ALG14: variants seen among roughly 807,000 people sequenced by gnomAD.
ALG14 encodes UDP-N-acetylglucosamine transferase subunit ALG14.
In ALG14, 17 loss-of-function variants were observed where a neutral mutation model predicts 22.8. The ratio of observed to expected loss-of-function variants is 0.75; its 90% CI spans 0.51 to 1.12. The LOEUF is 1.12. Ranked by LOEUF, ALG14 falls within the 50% of genes most tolerant of loss-of-function variation. The probability of loss-of-function intolerance (pLI) is 0.00; values close to 1 mark genes in which losing one functional copy is unlikely to be tolerated. For synonymous variants in ALG14, 89 were observed against 103.7 expected, an observed-to-expected ratio of 0.86 and a Z score of 0.86; for missense variants, 288 against 271.8, an observed-to-expected ratio of 1.06 and a Z score of -0.42.
At chr1:95,015,868 A>T (rs900708966) in intron 3 of ALG14, among the ~76,000 whole-genome samples, 5 of 152,232 alleles carry the variant, frequency 3.3e-5, no homozygotes, top group African/African-American at 1.2e-4. Context: ...CATTGTGTAG[A>T]CATTCCGTGG....
At chr1:95,053,145 T>C (rs1331854114) in intron 2 of ALG14, among the ~76,000 whole-genome samples, 1 of 152,018 alleles carries the variant, frequency 6.6e-6, no homozygotes, top group Non-Finnish European at 1.5e-5. Context: ...ATGTCATTTA[T>C]AAAAGACACA....
intron 3 of ALG14, among the ~76,000 whole-genome samples, chr1:95,004,531 G>A (rs551162450): frequency 1.3e-4 from 20 of 151,690 alleles, no homozygotes; most frequent in South Asian, 2.1e-4. Context: ...CCAGAGTCTC[G>A]CTCTATTGCC....
At chr1:95,000,043 T>C (rs1171088369) in intron 3 of ALG14, among the ~76,000 whole-genome samples, 2 of 152,182 alleles carry the variant, frequency 1.3e-5, no homozygotes, top group Non-Finnish European at 2.9e-5. Flanking sequence ...TGTCATCACT[T>C]ATCGTCAATG....
chr1:94,994,019 T>C (rs1426824671), intron 3 of ALG14, among the ~76,000 whole-genome samples: 1 of 152,214 alleles, frequency 6.6e-6, no homozygotes, highest in East Asian at 1.9e-4. Flanking sequence ...TTTCTTGCCC[T>C]GATGTTCCAT....
intron 1 of ALG14, chr1:95,067,206 G>A (rs1037559952): frequency 2.0e-5 from 3 of 152,104 alleles, no homozygotes; most frequent in Non-Finnish European, 2.9e-5. Context: ...CTTGTACAAA[G>A]GCCACTGCAA....
In ALG14 at chr1:95,027,128, C is replaced by T; in HGVS notation, c.420+1G>A. Reference sequence around the variant, plus strand: ...CTCTCCTTAGTGATGGTCTTACTTACCAAATCTGGCTTCACCCTGTGAATT... The same window carrying T: ...CTCTCCTTAGTGATGGTCTTACTTATCAAATCTGGCTTCACCCTGTGAATT... On this transcript the variant is annotated splice_donor_variant, in intron 3 of 3. Coordinates refer to ENST00000370205, the MANE Select transcript of ALG14 (RefSeq NM_144988.4). LOFTEE classifies it high-confidence loss of function. 3 of 1,613,902 alleles carry T rather than the reference C, an allele frequency of 1.9e-6. No individual in the cohort carries two copies. The highest frequency in any genetic ancestry group is 2.5e-6 in the Non-Finnish European group (3 of 1,179,924).
At position 95,005,761 on chromosome 1, in the gene ALG14, C is replaced by T. The variant is rs188883722; in HGVS notation, c.420+21368G>A. On this transcript the variant is annotated intron_variant, in intron 3 of 3. Coordinates refer to ENST00000370205, the MANE Select transcript of ALG14 (RefSeq NM_144988.4). ...TGGAGCAGTAGATAAGGGGAGCTTA[C>T]AGGGGGATTTGTGTTTGTTATGGTG... 3.2e-3 allele frequency among the ~76,000 whole-genome samples: 483 copies of T among 152,254 alleles called. 1 individual carries two copies. Among genetic ancestry groups the T allele is most frequent in the African/African-American group, 0.011 (466 of 41,542 alleles).
chr1:95,072,810 T>A lies in ALG14; in HGVS notation c.89A>T (p.Asp30Val). The change falls in exon 1 of 4, where the codon GAC becomes GTC. Residue 30 changes from aspartate to valine, a missense_variant. Physicochemically the swap from Asp to Val is radical, Grantham distance 152. Transcript: ENST00000370205. The part of the protein sequence containing the change: ...LRIWVVLRSM[D>V]VTPRESLSIL... The stretch of plus-strand genomic sequence containing the variant: ...ACTGAGAGACTCCCGGGGCGTAACG[T>A]CCATGGAACGAAGCACTACCCATAT... 1 of 1,613,978 alleles carries A rather than the reference T, an allele frequency of 6.2e-7. No homozygotes were observed. The highest frequency in any genetic ancestry group is 8.5e-7 in the Non-Finnish European group (1 of 1,179,974).
intron 3 of ALG14, among the ~76,000 whole-genome samples, chr1:94,988,593 C>T (rs1257611022): frequency 1.3e-5 from 2 of 151,970 alleles, no homozygotes; most frequent in African/African-American, 2.4e-5. Context: ...AAAGGGTTTA[C>T]AGAATGGAAT....
In ALG14 at chr1:94,991,604, G is replaced by C. The variant is rs1026050745; in HGVS notation, c.421-8298C>G. ...TGGAAGTTGCTCTAGGTGAGTCAGT[G>C]AGTGGTGAGTGAGTGTGAAGGCCCA... On this transcript the variant is annotated intron_variant, in intron 3 of 3. Coordinates refer to ENST00000370205, the MANE Select transcript of ALG14 (RefSeq NM_144988.4). Among the ~76,000 whole-genome samples the C allele has an allele frequency of 2.8e-4, 42 of 152,334 alleles. 1 individual carries two copies. Among genetic ancestry groups the C allele is most frequent in the African/African-American group, 9.9e-4 (41 of 41,574 alleles).
At chr1:95,065,396 T>G (rs1017866622) in intron 1 of ALG14, among the ~76,000 whole-genome samples, 1 of 152,050 alleles carries the variant, frequency 6.6e-6, no homozygotes, top group Admixed American at 6.6e-5. Context: ...AGCAAATGGT[T>G]ATGAAAAATC....
At position 94,978,849 on chromosome 1, in the gene ALG14, A is replaced by G. The variant is rs1268048073; in HGVS notation, c.*4227T>C. 6.6e-6 allele frequency: 1 copy of G among 151,032 alleles called. No homozygotes were observed. The highest frequency in any genetic ancestry group is 1.9e-4 in the East Asian group (1 of 5,136). The allele number at this position is 151,032 out of a possible 1,614,324, so 9.4% of individuals were successfully genotyped here. A position where few individuals can be genotyped will look rare whatever the true frequency, so the allele number is the denominator to read the frequency against. On this transcript the variant is annotated 3_prime_UTR_variant, in exon 4 of 4. Transcript: ENST00000370205. The stretch of plus-strand genomic sequence containing the variant: ...GACATTTTTTCTTTTTTCTTTAAAA[A>G]AAAAAAAAAACACCTAACGTAGCTA...
rs147079241 is a variant in ALG14, at chr1:95,062,742, T to G, written c.288+2124A>C. On this transcript the variant is annotated intron_variant, in intron 2 of 3. Coordinates refer to ENST00000370205, the MANE Select transcript of ALG14 (RefSeq NM_144988.4). ...GATTCCATGTCTTTGCTATTGTGAA[T>G]AGTGCTGCAGTGAACATATGTGTGC... is the stretch of plus-strand genomic sequence containing the variant. 2.6e-3 allele frequency among the ~76,000 whole-genome samples: 399 copies of G among 152,332 alleles called. 4 individuals are homozygous for G. The highest frequency in any genetic ancestry group is 8.9e-3 in the African/African-American group (368 of 41,576).
At chr1:95,025,551 G>C (rs1048771630) in intron 3 of ALG14, among the ~76,000 whole-genome samples, 1 of 152,164 alleles carries the variant, frequency 6.6e-6, no homozygotes, top group Non-Finnish European at 1.5e-5. Flanking sequence ...TGACATCGTC[G>C]AATATAAGGC....
In ALG14 at chr1:95,010,228, C is replaced by A. The variant is rs547357706; in HGVS notation, c.420+16901G>T. Among the ~76,000 whole-genome samples the A allele has an allele frequency of 2.6e-5, 4 of 152,306 alleles. 1 individual carries two copies. The East Asian group carries it at 7.7e-4, about 29-fold the overall frequency. ...ACTTTATCTTCTGGAACAAACTTTA[C>A]ATAAGAAAGCTCCTCCTAACATTTA... On this transcript the variant is annotated intron_variant, in intron 3 of 3. Transcript: ENST00000370205.
intron 3 of ALG14, among the ~76,000 whole-genome samples, chr1:94,989,213 G>A (rs1672713901): frequency 6.6e-6 from 1 of 152,134 alleles, no homozygotes; most frequent in African/African-American, 2.4e-5. Flanking sequence ...GATCCCTAAA[G>A]TTTAATTTTG....
intron 3 of ALG14, among the ~76,000 whole-genome samples, chr1:94,991,823 T>G (rs1482914532): frequency 6.6e-6 from 1 of 151,712 alleles, no homozygotes; most frequent in Non-Finnish European, 1.5e-5. Context: ...AAACACACAT[T>G]GTACAGGTGA....
At chr1:94,994,426 C>T (rs1424500452) in intron 3 of ALG14, among the ~76,000 whole-genome samples, 1 of 152,194 alleles carries the variant, frequency 6.6e-6, no homozygotes, top group Non-Finnish European at 1.5e-5. Context: ...CCCTTTCCTT[C>T]AGCTTGAGGA....
chr1:94,994,460 T>C (rs1672859635), intron 3 of ALG14, among the ~76,000 whole-genome samples: 1 of 152,210 alleles, frequency 6.6e-6, no homozygotes, highest in South Asian at 2.1e-4. Flanking sequence ...ACTGACATTT[T>C]CTGGGAAACT....
Sources: gnomAD v4.1 joint callset for allele counts (sites outside exome capture counted in the v4.1 genomes callset) on GRCh38, gnomAD v4.1.1 for gene constraint, MANE v1.5 for transcripts, NCBI Gene and HGNC (gene_info 2026-07-23, HGNC 2026-07-21) for gene names.